The following KDM2B variants were observed in gnomAD, a reference collection of about 807,000 sequenced individuals.
The protein encoded by KDM2B is lysine demethylase 2B, also known as lysine-specific demethylase 2B.
A neutral mutation model predicts 150.0 loss-of-function variants in KDM2B; 26 were observed. That is an observed-to-expected ratio of 0.17 (90% CI 0.13 to 0.24). KDM2B has a LOEUF of 0.24. Among genes scored for constraint, KDM2B ranks in the 10% least tolerant of loss-of-function variants. The pLI, the probability that KDM2B is intolerant of heterozygous loss-of-function variation, is 1.00. For missense variants in KDM2B, 1,265 were observed against 1,816.9 expected (o/e 0.70, Z 5.52); for synonymous variants, 734 against 729.5 (o/e 1.01, Z -0.10).
rs1411669336 is a variant in KDM2B, at chr12:121,537,421, G to GCCTCGGCCGC, written c.684-2841_684-2832dup. 1 of 152,342 alleles carries GCCTCGGCCGC rather than the reference G, an allele frequency of 6.6e-6. No individual in the cohort carries two copies. The highest frequency in any genetic ancestry group is 1.5e-5 in the Non-Finnish European group (1 of 68,240). 9.4% of individuals were successfully genotyped at this position (152,342 alleles called of 1,614,324 possible). On this transcript the variant is annotated intron_variant, in intron 6 of 22. Coordinates refer to ENST00000377071, the MANE Select transcript of KDM2B (RefSeq NM_032590.5). The surrounding 1 kb of genome is among the most constrained non-coding windows in gnomAD (Gnocchi z 8.7). ...GCCGGCTAGCCCGGCTTCCGCCTGGGCCTCGGCCGCCCCCGGCCGCCCCCA... is the reference window on the plus strand; with the variant it reads ...GCCGGCTAGCCCGGCTTCCGCCTGGGCCTCGGCCGCCCTCGGCCGCCCCCGGCCGCCCCCA...
intron 11 of KDM2B, 29 bp from the exon 12 acceptor site, chr12:121,494,694 C>A: frequency 6.4e-7 from 1 of 1,570,808 alleles, no homozygotes; most frequent in Admixed American, 1.8e-5. Context: ...TCCATATTAG[C>A]CCAGGGGGAA....
chr12:121,563,736 T>C (rs1331687555), intron 4 of KDM2B, among the ~76,000 whole-genome samples: 3 of 151,790 alleles, frequency 2.0e-5, no homozygotes, highest in Non-Finnish European at 4.4e-5. Flanking sequence ...CTGGCCAACG[T>C]GGTGAAACTC....
intron 4 of KDM2B, among the ~76,000 whole-genome samples, chr12:121,569,679 C>A (rs187566404): frequency 7.9e-5 from 12 of 152,284 alleles, no homozygotes; most frequent in African/African-American, 2.9e-4. Flanking sequence ...CATAATAATT[C>A]CCCAGGCCAA....
At chr12:121,524,272 G>A (rs1886940036) in intron 8 of KDM2B, among the ~76,000 whole-genome samples, 2 of 152,188 alleles carry the variant, frequency 1.3e-5, no homozygotes, top group African/African-American at 4.8e-5. Flanking sequence ...ATTGGTATCT[G>A]TGGTTGTCTC....
intron 6 of KDM2B, 151 bp downstream of exon 6, chr12:121,548,726 G>A (rs1432530069): frequency 2.5e-5 from 16 of 630,774 alleles, no homozygotes; most frequent in South Asian, 5.6e-5. Context: ...TCCCAGCTGT[G>A]CCCCCACAGG....
chr12:121,549,343 G>T lies in KDM2B; in HGVS notation c.576+117C>A. The stretch of plus-strand genomic sequence containing the variant: ...CCTTAGTCACCCCTATGCCTGCCAA[G>T]CCCAGCCAGCCACACCCACATGAGC... On this transcript the variant is annotated intron_variant, in intron 5 of 22. Coordinates refer to ENST00000377071, the MANE Select transcript of KDM2B (RefSeq NM_032590.5). This position sits in a 1 kb window ranked among gnomAD's most constrained non-coding sequence, Gnocchi z 4.4. 2.1e-6 allele frequency: 2 copies of T among 945,086 alleles called. No individual in the cohort carries two copies. Among genetic ancestry groups the T allele is most frequent in the Admixed American group, 2.6e-5 (1 of 38,578 alleles). 58.5% of individuals were successfully genotyped at this position (945,086 alleles called of 1,614,324 possible). A position where few individuals can be genotyped will look rare whatever the true frequency, so the allele number is the denominator to read the frequency against.
Position 121,520,928 on chromosome 12 carries a change from C to T in KDM2B, c.1047+57G>A. On this transcript the variant is annotated intron_variant, in intron 9 of 22. Transcript: ENST00000377071. The surrounding 1 kb of genome is among the most constrained non-coding windows in gnomAD (Gnocchi z 4.5). Reference sequence around the variant, plus strand: ...AGTATGACCTGTCCCACACACCGAGCACCGGCAGAGCTCAGGGGCCAGGCG... The same window carrying T: ...AGTATGACCTGTCCCACACACCGAGTACCGGCAGAGCTCAGGGGCCAGGCG... The T allele has an allele frequency of 5.2e-6, 7 of 1,336,742 alleles. No individual in the cohort carries two copies. Among genetic ancestry groups the T allele is most frequent in the Non-Finnish European group, 7.5e-6 (7 of 931,478 alleles). The allele number at this position is 1,336,742 out of a possible 1,614,324, so 82.8% of individuals were successfully genotyped here.
intron 9 of KDM2B, chr12:121,516,321 A>T (rs1555304978): frequency 5.1e-6 from 2 of 391,744 alleles, no homozygotes; most frequent in African/African-American, 4.3e-5. Context: ...AGGGAAAGAT[A>T]AGTCTCCCTT....
At position 121,575,462 on chromosome 12, in the gene KDM2B, T is replaced by A. The variant is rs1214062872; in HGVS notation, c.350+319A>T. Among the ~76,000 whole-genome samples the A allele has an allele frequency of 1.3e-5, 2 of 152,198 alleles. No homozygotes were observed. Among genetic ancestry groups the A allele is most frequent in the Non-Finnish European group, 2.9e-5 (2 of 68,038 alleles). On this transcript the variant is annotated intron_variant, in intron 3 of 22. Transcript: ENST00000377071. The surrounding 1 kb of genome is among the most constrained non-coding windows in gnomAD (Gnocchi z 4.4). ...CTCAGGCTCTGCCTCAGTCTCCTGA[T>A]CTGGAGCAAGGGGAAGGAGGAGAGG...
intron 6 of KDM2B, among the ~76,000 whole-genome samples, chr12:121,541,020 G>A (rs925409086): frequency 2.2e-4 from 34 of 152,032 alleles, no homozygotes; most frequent in Admixed American, 1.5e-3. Context: ...ATCACCTGAG[G>A]TTGGGAGTTC....
intron 10 of KDM2B, among the ~76,000 whole-genome samples, chr12:121,512,486 G>A (rs1885675941): frequency 6.6e-6 from 1 of 151,894 alleles, no homozygotes; most frequent in South Asian, 2.1e-4. Flanking sequence ...AGACCCTCAA[G>A]GAGACAGACC....
At chr12:121,451,034 T>C (rs1442597690) in intron 13 of KDM2B, among the ~76,000 whole-genome samples, 3 of 152,112 alleles carry the variant, frequency 2.0e-5, no homozygotes, top group Non-Finnish European at 4.4e-5. Flanking sequence ...CAGCACAGGA[T>C]TGAACTGTGT....
intron 12 of KDM2B, among the ~76,000 whole-genome samples, chr12:121,464,622 C>G (rs1200802808): frequency 6.6e-6 from 1 of 152,232 alleles, no homozygotes; most frequent in Non-Finnish European, 1.5e-5. Context: ...GCTACACCAA[C>G]TACAGAGATG....
At chr12:121,443,357 G>A (rs140760315) in intron 17 of KDM2B, 16 of 574,948 alleles carry the variant, frequency 2.8e-5, no homozygotes, top group African/African-American at 1.3e-4. Flanking sequence ...GGGAATCCCC[G>A]GCCCAGCAGG....
chr12:121,466,877 C>T (rs1424122372), intron 12 of KDM2B, among the ~76,000 whole-genome samples: 12 of 146,156 alleles, frequency 8.2e-5, no homozygotes, highest in African/African-American at 2.9e-4. Flanking sequence ...GGCAGGCCCG[C>T]CCGACGGCGA....
chr12:121,460,061 T>C (rs1434287455), intron 12 of KDM2B, among the ~76,000 whole-genome samples: 9 of 152,182 alleles, frequency 5.9e-5, no homozygotes, highest in Non-Finnish European at 1.2e-4. Context: ...AGTAAGCACA[T>C]GAAAAGATGC....
chr12:121,511,582 G>A (rs1372360892), intron 10 of KDM2B, among the ~76,000 whole-genome samples: 2 of 152,140 alleles, frequency 1.3e-5, no homozygotes, highest in African/African-American at 2.4e-5. Flanking sequence ...CATCGCGCCC[G>A]GTGGTGCTAG....
rs1875826364 is a variant in KDM2B at position 121,444,629 on chromosome 12, A to G, written c.2104-93T>C. ...TGACGCCACGTCTTCCAGAAGCAGC[A>G]GCACCCCCTCCCCAACGTCACATCT... On this transcript the variant is annotated intron_variant, in intron 14 of 22. Transcript: ENST00000377071. 9.9e-6 allele frequency: 10 copies of G among 1,014,106 alleles called. No homozygotes were observed. In the South Asian group the frequency reaches 1.3e-4, roughly 13 times the overall value. The allele number at this position is 1,014,106 out of a possible 1,614,324, so 62.8% of individuals were successfully genotyped here. A position where few individuals can be genotyped will look rare whatever the true frequency, so the allele number is the denominator to read the frequency against.
intron 12 of KDM2B, among the ~76,000 whole-genome samples, chr12:121,490,007 A>G (rs1251355707): frequency 6.6e-6 from 1 of 152,224 alleles, no homozygotes; most frequent in Non-Finnish European, 1.5e-5. Context: ...GCGGGCCGAC[A>G]GGACTGAGAG....
Sources: allele counts gnomAD v4.1 joint callset (sites outside exome capture counted in the v4.1 genomes callset), GRCh38; gene constraint gnomAD v4.1.1; non-coding constraint Gnocchi (gnomAD v3.1); transcripts MANE v1.5; gene names NCBI Gene and HGNC (gene_info 2026-07-23, HGNC 2026-07-21).